Variants in GAS7 observed in about 807,000 individuals in gnomAD.
The protein encoded by GAS7 is growth arrest-specific protein 7.
A neutral mutation model predicts 71.1 loss-of-function variants in GAS7; 28 were observed. That is an observed-to-expected ratio of 0.39 (90% CI 0.29 to 0.54). The LOEUF (loss-of-function observed/expected upper bound fraction) is 0.54. Among genes scored for constraint, GAS7 ranks in the 20% least tolerant of loss-of-function variants. The pLI is 0.62. For missense variants in GAS7, 436 were observed against 627.8 expected (o/e 0.69, Z 3.27); for synonymous variants, 258 against 245.8 (o/e 1.05, Z -0.46).
intron 1 of GAS7, among the ~76,000 whole-genome samples, chr17:10,163,275 A>G (rs2074269817): frequency 6.6e-6 from 1 of 151,764 alleles, no homozygotes; most frequent in Non-Finnish European, 1.5e-5. Context: ...CACGCCCGCT[A>G]ATTTTTGTAT....
At chr17:10,071,153 C>A (rs77999639) in intron 1 of GAS7, among the ~76,000 whole-genome samples, 2,121 of 151,580 alleles carry the variant, frequency 0.014, 52 homozygotes, top group African/African-American at 0.047. Context: ...AGCAGGACCC[C>A]AAAAAACTCC....
At chr17:10,000,816 C>T (rs2071241638) in intron 2 of GAS7, among the ~76,000 whole-genome samples, 1 of 152,206 alleles carries the variant, frequency 6.6e-6, no homozygotes, top group Non-Finnish European at 1.5e-5. Context: ...GCTCTGTCTT[C>T]TCCGTACCTT....
Position 10,034,179 on chromosome 17 carries a change from G to C in GAS7, c.184-14282C>G. 1 of 984,662 alleles carries C rather than the reference G, an allele frequency of 1.0e-6. No homozygotes were observed. The highest frequency in any genetic ancestry group is 1.2e-6 in the Non-Finnish European group (1 of 829,226). The allele number at this position is 984,662 out of a possible 1,614,324, so 61.0% of individuals were successfully genotyped here. A position where few individuals can be genotyped will look rare whatever the true frequency, so the allele number is the denominator to read the frequency against. On this transcript the variant is annotated intron_variant, in intron 1 of 13. Coordinates refer to ENST00000432992, the MANE Select transcript of GAS7 (RefSeq NM_201433.2). The surrounding 1 kb of genome is among the most constrained non-coding windows in gnomAD (Gnocchi z 4.4). ...GAGCTGGTAAAGCTGCAGCAGTCTC[G>C]CTGGCAGATCTTGAGCAACCTCTTC... is the stretch of plus-strand genomic sequence containing the variant.
chr17:10,030,742 C>T (rs1439052341), intron 1 of GAS7, among the ~76,000 whole-genome samples: 1 of 152,218 alleles, frequency 6.6e-6, no homozygotes, highest in African/African-American at 2.4e-5. Context: ...CTGGCACTAT[C>T]CAAGTGTCCT....
chr17:9,930,220 ATGTC>A (rs150466853), intron 9 of GAS7, among the ~76,000 whole-genome samples: 231 of 152,352 alleles, frequency 1.5e-3, no homozygotes, highest in African/African-American at 5.1e-3. Context: ...ATGTGTGTGA[ATGTC>A]TGTGTGCAGA....
chr17:9,916,135 CTG>C lies in GAS7; in HGVS notation c.*1091_*1092del, dbSNP rs1292353846. On this transcript the variant is annotated 3_prime_UTR_variant, in exon 14 of 14. Coordinates refer to ENST00000432992, the MANE Select transcript of GAS7 (RefSeq NM_201433.2). ...TCCAGTGCCCACCAGTGACAGAAAA[CTG>C]TACAAGGGACAGCAGTCCCAGCCCT... 1 of 232,904 alleles carries C rather than the reference CTG, an allele frequency of 4.3e-6. No homozygotes were observed. Among genetic ancestry groups the C allele is most frequent in the East Asian group, 6.0e-5 (1 of 16,556 alleles). The allele number at this position is 232,904 out of a possible 1,614,324, so 14.4% of individuals were successfully genotyped here. A position where few individuals can be genotyped will look rare whatever the true frequency, so the allele number is the denominator to read the frequency against.
intron 1 of GAS7, among the ~76,000 whole-genome samples, chr17:10,146,318 C>A (rs1019369184): frequency 6.6e-6 from 1 of 152,200 alleles, no homozygotes; most frequent in Non-Finnish European, 1.5e-5. Flanking sequence ...CCGGGGCAAC[C>A]CTAGAAAAGA....
At chr17:10,106,616 G>A (rs1011802581) in intron 1 of GAS7, among the ~76,000 whole-genome samples, 3 of 151,916 alleles carry the variant, frequency 2.0e-5, no homozygotes, top group Non-Finnish European at 2.9e-5. Context: ...CTTCATCCTC[G>A]CTCCCACCCA....
intron 1 of GAS7, among the ~76,000 whole-genome samples, chr17:10,083,757 T>C (rs2073483626): frequency 6.6e-6 from 1 of 152,170 alleles, no homozygotes; most frequent in Admixed American, 6.5e-5. Flanking sequence ...GGACTCAGAA[T>C]GGGGAGTGCA....
In GAS7 at chr17:9,911,450, ACAC is replaced by A. The variant is rs548144609; in HGVS notation, c.*5775_*5777del. The A allele has an allele frequency of 9.3e-4, 217 of 233,312 alleles. 1 individual carries two copies. Among genetic ancestry groups the A allele is most frequent in the Middle Eastern group, 6.4e-3 (5 of 782 alleles). 14.5% of individuals were successfully genotyped at this position (233,312 alleles called of 1,614,324 possible). Reference sequence around the variant, plus strand: ...CTCAAACACCAAGGAACAGTCCTGAACACCACACGCAATCTCCAAAGGCCATCG... The same window carrying A: ...CTCAAACACCAAGGAACAGTCCTGAACACACGCAATCTCCAAAGGCCATCG... On this transcript the variant is annotated 3_prime_UTR_variant, in exon 14 of 14. Coordinates refer to ENST00000432992, the MANE Select transcript of GAS7 (RefSeq NM_201433.2). The surrounding 1 kb of genome is among the most constrained non-coding windows in gnomAD (Gnocchi z 4.0).
chr17:10,106,463 G>A (rs2073757196), intron 1 of GAS7, among the ~76,000 whole-genome samples: 1 of 152,180 alleles, frequency 6.6e-6, no homozygotes, highest in African/African-American at 2.4e-5. Context: ...AGAATCACCG[G>A]GAGAGCTAAT....
intron 1 of GAS7, among the ~76,000 whole-genome samples, chr17:10,021,116 CT>C (rs1186317496): frequency 6.6e-6 from 1 of 152,114 alleles, no homozygotes; most frequent in Non-Finnish European, 1.5e-5. Context: ...CGTAAGATTG[CT>C]GTGCCTTTTG....
At chr17:10,106,316 C>T (rs1447288275) in intron 1 of GAS7, among the ~76,000 whole-genome samples, 2 of 152,202 alleles carry the variant, frequency 1.3e-5, no homozygotes, top group African/African-American at 4.8e-5. Flanking sequence ...ACCGGCCCCT[C>T]CTCTGATCTT....
intron 1 of GAS7, among the ~76,000 whole-genome samples, chr17:10,063,082 GT>G (rs2073237556): frequency 6.6e-6 from 1 of 152,380 alleles, no homozygotes; most frequent in Non-Finnish European, 1.5e-5. Context: ...TGCTGGCTGG[GT>G]TTGCCAGAGT....
At chr17:9,928,998 T>G (rs959110776) in intron 9 of GAS7, among the ~76,000 whole-genome samples, 5 of 152,248 alleles carry the variant, frequency 3.3e-5, no homozygotes, top group Non-Finnish European at 7.3e-5. Context: ...CCTACTATTT[T>G]TTTTGAGCCC....
In GAS7 at chr17:10,032,733, C is replaced by T. The variant is rs149976100; in HGVS notation, c.184-12836G>A. On this transcript the variant is annotated intron_variant, in intron 1 of 13. Transcript: ENST00000432992. ...AGACACAAATCTTGATGAAATATTG[C>T]TTTGCTCGCTGCAAGCTTCCCTCCA... 1.2e-3 allele frequency among the ~76,000 whole-genome samples: 186 copies of T among 152,312 alleles called. 3 individuals are homozygous for T. The highest frequency in any genetic ancestry group is 6.1e-3 in the Admixed American group (93 of 15,306).
intron 1 of GAS7, among the ~76,000 whole-genome samples, chr17:10,165,209 G>A (rs1324421433): frequency 2.0e-5 from 3 of 148,572 alleles, no homozygotes; most frequent in Admixed American, 6.7e-5. Flanking sequence ...GGAGAATGAC[G>A]TGAACCCGGG....
At chr17:9,934,792 A>G (rs1427675216) in intron 8 of GAS7, among the ~76,000 whole-genome samples, 1 of 152,168 alleles carries the variant, frequency 6.6e-6, no homozygotes, top group African/African-American at 2.4e-5. Flanking sequence ...CTGGAGTACA[A>G]TGGCGCGATC....
chr17:10,097,407 G>A (rs1480707830), intron 1 of GAS7, among the ~76,000 whole-genome samples: 1 of 152,192 alleles, frequency 6.6e-6, no homozygotes, highest in African/African-American at 2.4e-5. Flanking sequence ...GCTCTGCCAG[G>A]TATAGATCTT....
Sources: gnomAD v4.1 joint callset for allele counts (sites outside exome capture counted in the v4.1 genomes callset) on GRCh38, gnomAD v4.1.1 for gene constraint, Gnocchi (gnomAD v3.1) non-coding constraint, MANE v1.5 for transcripts, NCBI Gene and HGNC (gene_info 2026-07-23, HGNC 2026-07-21) for gene names.